TOPAZ1: variants seen among roughly 807,000 people sequenced by gnomAD.
TOPAZ1 encodes the protein protein TOPAZ1.
In TOPAZ1, 66 loss-of-function variants were observed where a neutral mutation model predicts 172.2. That is an observed-to-expected ratio of 0.38 (90% CI 0.31 to 0.47). The LOEUF is 0.47. TOPAZ1 is among the 20% of genes least tolerant of loss of function. TOPAZ1 has a pLI of 0.99. For missense variants in TOPAZ1, 1,822 were observed against 1,972.4 expected (o/e 0.92, Z 1.44); for synonymous variants, 681 against 683.9 (o/e 1.00, Z 0.07).
rs759117168 is a variant in TOPAZ1, at chr3:44,287,404, A to G, written c.3452A>G (p.Glu1151Gly). 3 of 1,483,480 alleles carry G rather than the reference A, an allele frequency of 2.0e-6. No individual in the cohort carries two copies. In the South Asian group the frequency reaches 4.3e-5, roughly 21 times the overall value. The allele number at this position is 1,483,480 out of a possible 1,614,324, so 91.9% of individuals were successfully genotyped here. Residue 1151 changes from glutamate to glycine, a missense_variant, in exon 10 of 20, where the codon GAG (glutamate) becomes GGG (glycine). Glu to Gly is a moderately conservative substitution (Grantham distance 98). Transcript: ENST00000309765. ...TCATTTTCAGTAAACATATTTATGG[A>G]GTACTACAGAAAGTTTCCCCCAGGT... is the stretch of plus-strand genomic sequence containing the variant. ...LLQRAVNIFM[E>G]YYRKFPPGVY...
chr3:44,318,186 G>A (rs996153633), intron 16 of TOPAZ1, among the ~76,000 whole-genome samples: 15 of 152,124 alleles, frequency 9.9e-5, no homozygotes, highest in Admixed American at 2.0e-4. Flanking sequence ...GGTGGCTCAC[G>A]CCTGTAATCC....
At chr3:44,295,233 A>G (rs112565717) in intron 12 of TOPAZ1, among the ~76,000 whole-genome samples, 1,554 of 152,288 alleles carry the variant, frequency 0.01, 25 homozygotes, top group African/African-American at 0.036. Context: ...CACCTCTATC[A>G]ATACAAACAT....
At chr3:44,336,614 G>A (rs138181970), downstream of TOPAZ1, among the ~76,000 whole-genome samples, 200 of 152,232 alleles carry the variant, frequency 1.3e-3, 2 homozygotes, top group East Asian at 0.035. Flanking sequence ...CCTTGCTCTC[G>A]CCCTCACCCT....
chr3:44,262,509 T>C (rs201930783), intron 5 of TOPAZ1, 26 bp downstream of exon 5: 1 of 1,156,830 alleles, frequency 8.6e-7, no homozygotes, highest in Non-Finnish European at 1.2e-6. Context: ...CTTAATTACA[T>C]AACTTAAAAT....
At chr3:44,251,729 A>G (rs896093604) in intron 2 of TOPAZ1, among the ~76,000 whole-genome samples, 3 of 152,134 alleles carry the variant, frequency 2.0e-5, no homozygotes, top group Non-Finnish European at 4.4e-5. Flanking sequence ...GGTAATCTGT[A>G]TGGCTCTTCA....
chr3:44,242,424 ACCTT>A, intron 1 of TOPAZ1, 25 bp downstream of exon 1: 1 of 1,550,170 alleles, frequency 6.5e-7, no homozygotes, highest in South Asian at 1.2e-5. Flanking sequence ...ACGATCACTT[ACCTT>A]TAGCCCTTGT....
intron 8 of TOPAZ1, among the ~76,000 whole-genome samples, chr3:44,271,545 T>C (rs1384573476): frequency 1.3e-5 from 2 of 152,166 alleles, no homozygotes; most frequent in Admixed American, 6.5e-5. Context: ...TGTGTATGTA[T>C]ATCTATATAT....
In TOPAZ1 at chr3:44,270,794, A is replaced by T. The variant is rs1699887191; in HGVS notation, c.3356A>T (p.Glu1119Val). 6.5e-7 allele frequency: 1 copy of T among 1,547,264 alleles called. No individual in the cohort carries two copies. Among genetic ancestry groups the T allele is most frequent in the African/African-American group, 1.4e-5 (1 of 73,028 alleles). The change falls in exon 8 of 20, where the codon GAA (glutamate) becomes GTA (valine). Residue 1119 changes from glutamate to valine, a missense_variant. Physicochemically the swap from Glu to Val is moderately radical, Grantham distance 121. Transcript: ENST00000309765. Reference protein sequence around the residue: ...RPLCKFAHVPEQGDEKVCMDV... With the variant: ...RPLCKFAHVPVQGDEKVCMDV... ...CTGTGCAAGTTTGCTCATGTGCCTG[A>T]ACAAGGGGATGAAAAGGTAAAACAT...
intron 16 of TOPAZ1, among the ~76,000 whole-genome samples, chr3:44,319,125 A>G (rs1700482909): frequency 6.6e-6 from 1 of 152,104 alleles, no homozygotes; most frequent in Non-Finnish European, 1.5e-5. Context: ...CAATCCTGCA[A>G]AGGAACCAAG....
intron 8 of TOPAZ1, among the ~76,000 whole-genome samples, chr3:44,279,628 C>T (rs929561874): frequency 3.9e-5 from 6 of 151,990 alleles, no homozygotes; most frequent in African/African-American, 1.4e-4. Context: ...AGTATAGCTG[C>T]TCCTGCTTGC....
chr3:44,262,133 G>C (rs1699781860), intron 4 of TOPAZ1, among the ~76,000 whole-genome samples: 1 of 152,012 alleles, frequency 6.6e-6, no homozygotes, highest in African/African-American at 2.4e-5. Context: ...CTCAACTTTA[G>C]TTTTACCTAA....
chr3:44,334,581 A>G (rs150898322), downstream of TOPAZ1, among the ~76,000 whole-genome samples: 35 of 152,298 alleles, frequency 2.3e-4, no homozygotes, highest in Middle Eastern at 3.4e-3. Flanking sequence ...TAGAAACTTA[A>G]TGAGAGCATT....
intron 12 of TOPAZ1, among the ~76,000 whole-genome samples, chr3:44,302,887 G>A (rs1216644949): frequency 6.6e-6 from 1 of 152,110 alleles, no homozygotes; most frequent in African/African-American, 2.4e-5. Flanking sequence ...CTGTTTCCCG[G>A]GCTGGGGTGC....
intron 18 of TOPAZ1, among the ~76,000 whole-genome samples, 169 bp downstream of exon 18, chr3:44,323,464 T>C (rs922588270): frequency 6.6e-6 from 1 of 152,252 alleles, no homozygotes; most frequent in Non-Finnish European, 1.5e-5. Context: ...CTATTGTTTC[T>C]CTTCTGTTTC....
At chr3:44,299,179 C>T (rs1700240256) in intron 12 of TOPAZ1, among the ~76,000 whole-genome samples, 1 of 151,418 alleles carries the variant, frequency 6.6e-6, no homozygotes, top group Non-Finnish European at 1.5e-5. Flanking sequence ...CCTCGGCCTC[C>T]CAAAGTGCTG....
intron 12 of TOPAZ1, among the ~76,000 whole-genome samples, chr3:44,296,860 A>G (rs59069372): frequency 4.6e-5 from 4 of 86,828 alleles, no homozygotes; most frequent in Non-Finnish European, 6.4e-5. Context: ...AAAAAAAAAA[A>G]AAAAGAAAAA....
chr3:44,283,850 C>A (rs1700050252), intron 9 of TOPAZ1, among the ~76,000 whole-genome samples: 1 of 152,156 alleles, frequency 6.6e-6, no homozygotes, highest in Admixed American at 6.5e-5. Context: ...ATGCATATTT[C>A]CGAAAAACAG....
chr3:44,334,306 CT>C (rs1477953870), downstream of TOPAZ1, among the ~76,000 whole-genome samples: 3 of 152,072 alleles, frequency 2.0e-5, no homozygotes, highest in African/African-American at 7.2e-5. Flanking sequence ...TACCTTCTGC[CT>C]ATTATGGTTT....
At chr3:44,277,428 A>G (rs1419659784) in intron 8 of TOPAZ1, among the ~76,000 whole-genome samples, 1 of 152,174 alleles carries the variant, frequency 6.6e-6, no homozygotes, top group Non-Finnish European at 1.5e-5. Context: ...ATAAAATCAT[A>G]TAATTAGCAA....
Sources: gnomAD v4.1 joint callset for allele counts (sites outside exome capture counted in the v4.1 genomes callset) on GRCh38, gnomAD v4.1.1 for gene constraint, MANE v1.5 for transcripts, NCBI Gene and HGNC (gene_info 2026-07-23, HGNC 2026-07-21) for gene names.